Variants in TASP1 observed in about 807,000 individuals in gnomAD.
The protein encoded by TASP1 is taspase 1, also known as threonine aspartase 1.
Under a neutral mutation model 56.6 loss-of-function variants are expected in TASP1, and 16 were observed. The observed-to-expected ratio is 0.28, with a 90% CI of 0.19 to 0.43. The LOEUF is 0.43. TASP1 is among the 20% of genes least tolerant of loss of function. The pLI, the probability that TASP1 is intolerant of heterozygous loss-of-function variation, is 1.00. For synonymous variants in TASP1, 179 were observed against 184.2 expected, an observed-to-expected ratio of 0.97 and a Z score of 0.23; for missense variants, 393 against 511.6, an observed-to-expected ratio of 0.77 and a Z score of 2.24.
At chr20:13,602,499 A>G (rs148163045) in intron 4 of TASP1, among the ~76,000 whole-genome samples, 1 of 152,304 alleles carries the variant, frequency 6.6e-6, no homozygotes, top group African/African-American at 2.4e-5. Flanking sequence ...TAAGATGCTA[A>G]TTAGGGAAAC....
chr20:13,536,090 A>G (rs1407593993), intron 8 of TASP1, among the ~76,000 whole-genome samples: 1 of 152,202 alleles, frequency 6.6e-6, no homozygotes, highest in East Asian at 1.9e-4. Context: ...AGTTCCCCAG[A>G]TGCCAAGTTT....
chr20:13,362,060 A>G, the TASP1 span, among the ~76,000 whole-genome samples: 4 of 148,624 alleles, frequency 2.7e-5, no homozygotes, highest in South Asian at 4.3e-4. Flanking sequence ...TTGCCACAAG[A>G]CCTCCCTTCA....
chr20:13,203,581 A>C, the TASP1 span, among the ~76,000 whole-genome samples: 1 of 152,208 alleles, frequency 6.6e-6, no homozygotes, highest in South Asian at 2.1e-4. Flanking sequence ...TTAATGGATA[A>C]ATTAATTAAT....
intron 11 of TASP1, among the ~76,000 whole-genome samples, chr20:13,454,406 C>T (rs931038507): frequency 6.6e-5 from 10 of 152,052 alleles, no homozygotes; most frequent in African/African-American, 2.4e-4. Flanking sequence ...GGCCTCCCTT[C>T]CCCTGTCCCA....
intron 1 of TASP1, among the ~76,000 whole-genome samples, chr20:13,632,848 A>G (rs1269949202): frequency 1.3e-5 from 2 of 152,260 alleles, no homozygotes; most frequent in Non-Finnish European, 2.9e-5. Context: ...AAAACAAAAA[A>G]AGGGCAAATA....
the TASP1 span, among the ~76,000 whole-genome samples, chr20:13,127,914 G>A: frequency 1.3e-5 from 2 of 152,114 alleles, no homozygotes. Context: ...AGTCTAGGAA[G>A]CCCTTATGGT....
At chr20:13,249,733 G>GTACT in the TASP1 span, among the ~76,000 whole-genome samples, 1 of 152,190 alleles carries the variant, frequency 6.6e-6, no homozygotes, top group Non-Finnish European at 1.5e-5. Context: ...GCCAAAGGAA[G>GTACT]TACTTCTCCT....
chr20:13,141,371 T>C, the TASP1 span, among the ~76,000 whole-genome samples: 3 of 152,216 alleles, frequency 2.0e-5, no homozygotes, highest in Non-Finnish European at 4.4e-5. Context: ...AAAAGGACTG[T>C]GGTGCGGGTG....
chr20:13,372,670 T>C, the TASP1 span, among the ~76,000 whole-genome samples: 3 of 152,032 alleles, frequency 2.0e-5, no homozygotes, highest in Non-Finnish European at 2.9e-5. Context: ...CATTTAATTG[T>C]TTTCTATATG....
At chr20:13,445,877 A>C (rs567766510) in intron 11 of TASP1, among the ~76,000 whole-genome samples, 1 of 152,292 alleles carries the variant, frequency 6.6e-6, no homozygotes, top group African/African-American at 2.4e-5. Context: ...TATTAATACT[A>C]AACTAGAAGC....
chr20:13,571,759 A>C (rs1161511421), intron 6 of TASP1, among the ~76,000 whole-genome samples: 2 of 152,126 alleles, frequency 1.3e-5, no homozygotes, highest in African/African-American at 4.8e-5. Flanking sequence ...AAAATCTACA[A>C]GCTCCCATGG....
chr20:13,255,013 C>T, the TASP1 span, among the ~76,000 whole-genome samples: 1 of 152,208 alleles, frequency 6.6e-6, no homozygotes, highest in Admixed American at 6.5e-5. Flanking sequence ...ACGGTCCCTG[C>T]CTCATGGTTC....
the TASP1 span, among the ~76,000 whole-genome samples, chr20:13,274,629 G>C: frequency 3.3e-5 from 5 of 152,142 alleles, no homozygotes; most frequent in Admixed American, 2.0e-4. Flanking sequence ...ACATCGCTAA[G>C]CCCATGCAAG....
chr20:13,172,848 TTAATA>T, the TASP1 span, among the ~76,000 whole-genome samples: 1 of 152,028 alleles, frequency 6.6e-6, no homozygotes, highest in African/African-American at 2.4e-5. Flanking sequence ...AAGAGTGAAA[TTAATA>T]TAATAGTATA....
At chr20:13,487,542 G>A (rs6105116) in intron 10 of TASP1, among the ~76,000 whole-genome samples, 33,603 of 151,830 alleles carry the variant, frequency 0.22, 3,824 homozygotes, top group Middle Eastern at 0.28. Flanking sequence ...CCTTACTCCA[G>A]CCCCAGCTCT....
the TASP1 span, among the ~76,000 whole-genome samples, chr20:13,321,723 C>T: frequency 9.2e-5 from 14 of 152,322 alleles, no homozygotes; most frequent in African/African-American, 1.4e-4. Context: ...CATATAAATA[C>T]ATAACTATTT....
chr20:13,165,839 T>C, the TASP1 span: 2 of 152,210 alleles, frequency 1.3e-5, no homozygotes, highest in Admixed American at 1.3e-4. Flanking sequence ...ATTCTGACTT[T>C]TTCAAGACCA....
chr20:13,483,438 G>A (rs2043212456), intron 10 of TASP1, 101 bp from the exon 11 acceptor site: 13 of 679,744 alleles, frequency 1.9e-5, no homozygotes, highest in Non-Finnish European at 2.9e-5. Flanking sequence ...TAAGAGAGTA[G>A]TTAGCTGGGA....
chr20:13,526,500 C>T (rs1443516212), intron 10 of TASP1, among the ~76,000 whole-genome samples: 1 of 152,046 alleles, frequency 6.6e-6, no homozygotes, highest in Non-Finnish European at 1.5e-5. Flanking sequence ...TCATGTGCCA[C>T]CAATATTAAA....
Sources: allele counts gnomAD v4.1 joint callset (sites outside exome capture counted in the v4.1 genomes callset), GRCh38; gene constraint gnomAD v4.1.1; transcripts MANE v1.5; gene names NCBI Gene and HGNC (gene_info 2026-07-23, HGNC 2026-07-21).